Variants in EIF3E observed in about 807,000 individuals in gnomAD.
EIF3E encodes eIF-3 p48.
In EIF3E, 25 loss-of-function variants were observed where a neutral mutation model predicts 59.3. The observed-to-expected ratio is 0.42, with a 90% CI of 0.31 to 0.59. EIF3E has a LOEUF of 0.59. EIF3E is among the 20% of genes least tolerant of loss of function. The pLI is 0.15. For missense variants in EIF3E, 317 were observed against 534.3 expected (o/e 0.59, Z 4.01); for synonymous variants, 176 against 170.2 (o/e 1.03, Z -0.26).
chr8:108,243,410 A>T (rs1167775129), intron 1 of EIF3E: 1 of 152,144 alleles, frequency 6.6e-6, no homozygotes, highest in Non-Finnish European at 1.5e-5. Context: ...CAGGCGGATC[A>T]CGAGGTCAGG....
Position 108,234,819 on chromosome 8 carries a change from CA to C in EIF3E, c.471+178del, listed in dbSNP as rs569679280. The C allele has an allele frequency of 2.4e-3, 908 of 386,028 alleles. 10 individuals are homozygous for C. Among genetic ancestry groups the C allele is most frequent in the African/African-American group, 0.017 (829 of 47,904 alleles). The allele number at this position is 386,028 out of a possible 1,614,324, so 23.9% of individuals were successfully genotyped here. On this transcript the variant is annotated intron_variant, in intron 5 of 12. Transcript: ENST00000220849. ...CCCTCCAAATTTTGAGGCCCTGAAA[CA>C]AGGTTTCTAGTTTCTGTTTTTGAGT...
chr8:108,207,278 C>G (rs1815119102), intron 10 of EIF3E, among the ~76,000 whole-genome samples: 1 of 152,058 alleles, frequency 6.6e-6, no homozygotes, highest in South Asian at 2.1e-4. Context: ...TCAGACCAGC[C>G]TGGGCAACAC....
At chr8:108,219,410 A>G (rs1001723071) in intron 7 of EIF3E, among the ~76,000 whole-genome samples, 1 of 152,196 alleles carries the variant, frequency 6.6e-6, no homozygotes, top group Admixed American at 6.5e-5. Flanking sequence ...ATAAAAAGAG[A>G]GGAAACAAAT....
At chr8:108,247,574 T>C (rs1335166010) in intron 1 of EIF3E, among the ~76,000 whole-genome samples, 1 of 152,198 alleles carries the variant, frequency 6.6e-6, no homozygotes, top group Non-Finnish European at 1.5e-5. Flanking sequence ...ATGAGGATTA[T>C]ACCTGTCTAA....
At chr8:108,206,154 C>T (rs1251987459) in intron 10 of EIF3E, among the ~76,000 whole-genome samples, 2 of 152,016 alleles carry the variant, frequency 1.3e-5, no homozygotes, top group African/African-American at 4.8e-5. Flanking sequence ...CAACAAAATA[C>T]CAACCGTGTT....
chr8:108,209,972 A>G (rs1226332144), intron 10 of EIF3E, among the ~76,000 whole-genome samples: 2 of 152,120 alleles, frequency 1.3e-5, no homozygotes, highest in African/African-American at 4.8e-5. Context: ...GAAACTGAGT[A>G]AAGGACATAG....
At chr8:108,242,434 G>A in intron 1 of EIF3E, 2 of 1,288,934 alleles carry the variant, frequency 1.6e-6, no homozygotes, top group Non-Finnish European at 2.0e-6. Context: ...TATAGTACAG[G>A]GAGCAAATAG....
intron 1 of EIF3E, among the ~76,000 whole-genome samples, chr8:108,246,521 G>A (rs564816610): frequency 6.6e-6 from 1 of 152,194 alleles, no homozygotes; most frequent in South Asian, 2.1e-4. Context: ...GAGATGTCTG[G>A]GTTTTATCTT....
chr8:108,221,030 A>T (rs1409412501), intron 7 of EIF3E, among the ~76,000 whole-genome samples: 1 of 143,580 alleles, frequency 7.0e-6, no homozygotes, highest in Non-Finnish European at 1.5e-5. Flanking sequence ...CGAGACATGG[A>T]CAGACAGGAA....
intron 7 of EIF3E, among the ~76,000 whole-genome samples, chr8:108,222,506 A>C (rs180703108): frequency 1.3e-5 from 2 of 152,332 alleles, no homozygotes; most frequent in African/African-American, 4.8e-5. Context: ...ACATTCTTGA[A>C]GGATCAGCAA....
At position 108,214,659 on chromosome 8, in the gene EIF3E, G is replaced by A. The variant is rs1815269957; in HGVS notation, c.1009C>T (p.Arg337Cys). Residue 337 changes from arginine to cysteine, a missense_variant, in exon 10 of 13, where the codon CGT (arginine) becomes TGT (cysteine). This residue lies in a region of EIF3E where 242 missense variants were observed against 398.0 expected (regional missense o/e 0.61). Transcript: ENST00000220849. ...CAGAAAGTCTCAAATATGAAGAGAC[G>A]GGCATTTTCAATGAAATCCTCAAGA... Reference protein sequence around the residue: ...ACLEDFIENARLFIFETFCRI... With the variant: ...ACLEDFIENACLFIFETFCRI... The A allele has an allele frequency of 1.2e-6, 2 of 1,611,170 alleles. No homozygotes were observed. The highest frequency in any genetic ancestry group is 1.7e-6 in the Non-Finnish European group (2 of 1,179,226).
Position 108,239,949 on chromosome 8 carries a change from C to T in EIF3E, c.323+9G>A, listed in dbSNP as rs751121574. The T allele has an allele frequency of 1.6e-5, 25 of 1,598,990 alleles. No individual in the cohort carries two copies. The highest frequency in any genetic ancestry group is 1.7e-4 in the Middle Eastern group (1 of 5,764). On this transcript the variant is annotated intron_variant, in intron 3 of 12. Transcript: ENST00000220849. ...GAATTTTTAGAATTCAAAATTAAGA[C>T]GAGTTTACCTGGTTGACTGCATTTG...
intron 9 of EIF3E, among the ~76,000 whole-genome samples, chr8:108,215,778 C>A (rs1012342307): frequency 1.3e-5 from 2 of 152,070 alleles, no homozygotes; most frequent in African/African-American, 4.8e-5. Flanking sequence ...CTGGTAAATG[C>A]AACTACATTT....
At chr8:108,237,807 G>T (rs928103297) in intron 3 of EIF3E, among the ~76,000 whole-genome samples, 5 of 152,080 alleles carry the variant, frequency 3.3e-5, no homozygotes, top group African/African-American at 1.2e-4. Context: ...TACCACTCAC[G>T]TATATAATCA....
At chr8:108,239,839 A>T in intron 3 of EIF3E, 119 bp downstream of exon 3, 1 of 774,224 alleles carries the variant, frequency 1.3e-6, no homozygotes, top group Non-Finnish European at 2.2e-6. Context: ...ATTAAAAATG[A>T]ATAAAGCACT....
intron 6 of EIF3E, 77 bp from the exon 7 acceptor site, chr8:108,228,468 C>T: frequency 8.7e-7 from 1 of 1,145,770 alleles, no homozygotes; most frequent in South Asian, 2.9e-5. Flanking sequence ...TCACTAACTT[C>T]AAAACTGTAA....
rs1447826167 is a variant in EIF3E, at chr8:108,235,055, C to T, written c.414G>A (p.Gln138=). ...LDTLYRYAKF[Q]YECGNYSGAA... Reference sequence around the variant, plus strand: ...CTCCTGAGTAATTCCCACATTCGTACTGGAATTTTGCATATCTGTAGAGTG... The same window carrying T: ...CTCCTGAGTAATTCCCACATTCGTATTGGAATTTTGCATATCTGTAGAGTG... Residue 138 remains glutamine (Q), a synonymous_variant, in exon 5 of 13, where the codon CAG becomes CAA. Transcript: ENST00000220849. 1.9e-6 allele frequency: 3 copies of T among 1,598,304 alleles called. No homozygotes were observed. The highest frequency in any genetic ancestry group is 2.6e-6 in the Non-Finnish European group (3 of 1,173,906).
At chr8:108,210,690 G>A (rs1467644252) in intron 10 of EIF3E, among the ~76,000 whole-genome samples, 2 of 152,094 alleles carry the variant, frequency 1.3e-5, no homozygotes, top group Non-Finnish European at 2.9e-5. Flanking sequence ...TTGGTGTGCT[G>A]CACCCATTAA....
intron 12 of EIF3E, 94 bp from the exon 13 acceptor site, chr8:108,202,017 A>G (rs1215682420): frequency 1.7e-6 from 2 of 1,182,074 alleles, no homozygotes; most frequent in African/African-American, 1.6e-5. Context: ...TTACTTCAGC[A>G]CTATAGTCTC....
Sources: gnomAD v4.1 joint callset for allele counts (sites outside exome capture counted in the v4.1 genomes callset) on GRCh38, gnomAD v4.1.1 for gene constraint, gnomAD v4.1.1 regional missense constraint, MANE v1.5 for transcripts, NCBI Gene and HGNC (gene_info 2026-07-23, HGNC 2026-07-21) for gene names.